OAS2: variants seen among roughly 807,000 people sequenced by gnomAD.
The protein encoded by OAS2 is 2'-5'-oligoadenylate synthase 2.
Under a neutral mutation model 71.3 loss-of-function variants are expected in OAS2, and 67 were observed. The observed-to-expected ratio is 0.94, with a 90% CI of 0.77 to 1.15. The LOEUF (loss-of-function observed/expected upper bound fraction) is 1.15. Ranked by LOEUF, OAS2 falls within the 50% of genes most tolerant of loss-of-function variation. OAS2 has a pLI of 0.00. For missense variants in OAS2, 789 were observed against 822.5 expected (o/e 0.96, Z 0.50); for synonymous variants, 327 against 321.8 (o/e 1.02, Z -0.17).
chr12:113,008,063 A>G (rs2044350375), intron 9 of OAS2, 120 bp downstream of exon 9: 1 of 755,188 alleles, frequency 1.3e-6, no homozygotes, highest in Admixed American at 2.0e-5. Flanking sequence ...GGAAAGTGCT[A>G]GCCAACAGAA....
Position 113,009,240 on chromosome 12 carries a change from G to T in OAS2, c.2049G>T (p.Pro683=), listed in dbSNP as rs138533307. The change falls in exon 10 of 10, where the codon CCG becomes CCT. Residue 683 remains proline, a synonymous_variant. Transcript: ENST00000392583. ...ACCCAATACCACCTTGGAAAGTGCC[G>T]GTAAAAGTCATCTAAAGGAGGCGTT... ...TGNPIPPWKV[P]VKVI is the part of the protein sequence containing the mutation. 6.2e-7 allele frequency: 1 copy of T among 1,613,768 alleles called. No homozygotes were observed. The highest frequency in any genetic ancestry group is 1.1e-5 in the South Asian group (1 of 91,018).
At chr12:113,008,487 G>A (rs2044353606) in intron 9 of OAS2, among the ~76,000 whole-genome samples, 1 of 152,140 alleles carries the variant, frequency 6.6e-6, no homozygotes, top group African/African-American at 2.4e-5. Context: ...ATTAAATTAT[G>A]TATCATATTT....
At chr12:113,005,550 A>G (rs2136393813) in intron 7 of OAS2, among the ~76,000 whole-genome samples, 1 of 151,418 alleles carries the variant, frequency 6.6e-6, no homozygotes, top group African/African-American at 2.4e-5. Context: ...CCGTCTGAAA[A>G]CAAACAAACA....
chr12:112,999,102 G>T (rs965722417), intron 5 of OAS2, among the ~76,000 whole-genome samples: 2 of 152,238 alleles, frequency 1.3e-5, no homozygotes, highest in African/African-American at 4.8e-5. Flanking sequence ...GCTCAGAGAA[G>T]GGGGTGGCAG....
intron 3 of OAS2, among the ~76,000 whole-genome samples, chr12:112,995,718 G>A (rs1384028989): frequency 6.6e-6 from 1 of 152,112 alleles, no homozygotes; most frequent in Non-Finnish European, 1.5e-5. Flanking sequence ...CCGCAGATTA[G>A]TTTTGCTTGA....
At chr12:112,987,997 C>T (rs1422991471) in intron 2 of OAS2, 1 of 985,452 alleles carries the variant, frequency 1.0e-6, no homozygotes, top group African/African-American at 1.7e-5. Context: ...GTGACTCCAT[C>T]TTAAAGCAAG....
chr12:113,010,099 G>A lies in OAS2; in HGVS notation c.*844G>A. Reference sequence around the variant, plus strand: ...GTTGTGACAATTAAAAGTGTCTTGAGACTTTATCATGTGTCTTCTGCCCTA... The same window carrying A: ...GTTGTGACAATTAAAAGTGTCTTGAAACTTTATCATGTGTCTTCTGCCCTA... On this transcript the variant is annotated 3_prime_UTR_variant, in exon 10 of 10. Coordinates refer to ENST00000392583, the MANE Select transcript of OAS2 (RefSeq NM_002535.3). 1 of 1,113,524 alleles carries A rather than the reference G, an allele frequency of 9.0e-7. No individual in the cohort carries two copies. The highest frequency in any genetic ancestry group is 1.1e-6 in the Non-Finnish European group (1 of 911,678). The allele number at this position is 1,113,524 out of a possible 1,614,324, so 69.0% of individuals were successfully genotyped here. A position where few individuals can be genotyped will look rare whatever the true frequency, so the allele number is the denominator to read the frequency against.
At chr12:113,005,539 T>G (rs2044324244) in intron 7 of OAS2, among the ~76,000 whole-genome samples, 1 of 149,578 alleles carries the variant, frequency 6.7e-6, no homozygotes, top group African/African-American at 2.5e-5. Flanking sequence ...AGAGTGAGAC[T>G]CCGTCTGAAA....
Position 113,010,625 on chromosome 12 carries a change from C to A in OAS2, c.*1370C>A. ...AATCAATCAAGACTGCAAACCCTTT[C>A]ATAAAGTCTTGCCTTGCTGAACTCC... On this transcript the variant is annotated 3_prime_UTR_variant, in exon 10 of 10. Coordinates refer to ENST00000392583, the MANE Select transcript of OAS2 (RefSeq NM_002535.3). 1 of 1,313,150 alleles carries A rather than the reference C, an allele frequency of 7.6e-7. No homozygotes were observed. Among genetic ancestry groups the A allele is most frequent in the Non-Finnish European group, 1.0e-6 (1 of 1,003,802 alleles). The allele number at this position is 1,313,150 out of a possible 1,614,324, so 81.3% of individuals were successfully genotyped here. A position where few individuals can be genotyped will look rare whatever the true frequency, so the allele number is the denominator to read the frequency against.
At position 112,987,041 on chromosome 12, in the gene OAS2, G is replaced by C; in HGVS notation, c.181G>C (p.Gly61Arg). The C allele has an allele frequency of 1.2e-6, 2 of 1,604,926 alleles. No homozygotes were observed. Among genetic ancestry groups the C allele is most frequent in the African/African-American group, 2.7e-5 (2 of 74,742 alleles). ...FPLVQGVAIG[G>R]SYGRKTVLRG... ...TCTGCTTCTTTGTCACTGGCAGGGT[G>C]GCTCCTATGGACGGAAAACAGTCTT... is the stretch of plus-strand genomic sequence containing the variant. Residue 61 changes from glycine to arginine, a missense_variant, in exon 2 of 10, where the codon GGC becomes CGC. Coordinates refer to ENST00000392583, the MANE Select transcript of OAS2 (RefSeq NM_002535.3).
chr12:112,990,302 C>T (rs1281082980), intron 2 of OAS2, among the ~76,000 whole-genome samples: 5 of 152,114 alleles, frequency 3.3e-5, no homozygotes, highest in South Asian at 2.1e-4. Context: ...CAGGCAGAAA[C>T]GTAAATCAGT....
chr12:112,986,893 G>C (rs1565990373), intron 1 of OAS2, 145 bp from the exon 2 acceptor site: 5 of 1,072,246 alleles, frequency 4.7e-6, no homozygotes, highest in East Asian at 2.4e-5. Context: ...ATCCCAATCA[G>C]GTCTTTGTGG....
chr12:112,995,216 G>C (rs2044223223), intron 2 of OAS2, 80 bp from the exon 3 acceptor site: 38 of 1,305,692 alleles, frequency 2.9e-5, no homozygotes, highest in Non-Finnish European at 4.1e-5. Flanking sequence ...AACTATAACT[G>C]ACCTTCATTG....
rs750988619 is a variant in OAS2 at position 113,010,333 on chromosome 12, A to G, written c.*1078A>G. ...ACTCTTTTAAGCAATGATTGTAACT[A>G]TTAGGAGACATTGCTCTCCCACGTA... On this transcript the variant is annotated 3_prime_UTR_variant, in exon 10 of 10. Transcript: ENST00000392583. 3.1e-6 allele frequency: 5 copies of G among 1,601,684 alleles called. No homozygotes were observed. Among genetic ancestry groups the G allele is most frequent in the South Asian group, 2.3e-5 (2 of 88,400 alleles).
Position 113,009,474 on chromosome 12 carries a change from C to T in OAS2, c.*219C>T, listed in dbSNP as rs960117721. 7.0e-6 allele frequency: 9 copies of T among 1,293,614 alleles called. No homozygotes were observed. In the African/African-American group the frequency reaches 1.1e-4, roughly 15 times the overall value. 80.1% of individuals were successfully genotyped at this position (1,293,614 alleles called of 1,614,324 possible). On this transcript the variant is annotated 3_prime_UTR_variant, in exon 10 of 10. Transcript: ENST00000392583. The stretch of plus-strand genomic sequence containing the variant: ...TGCTGCGCAGCATCCCTAGTCTCTA[C>T]CCAGTAGATGCCACTAGCCCTCCTC...
Position 113,010,537 on chromosome 12 carries a change from C to T in OAS2, c.*1282C>T. On this transcript the variant is annotated 3_prime_UTR_variant, in exon 10 of 10. Transcript: ENST00000392583. The stretch of plus-strand genomic sequence containing the variant: ...CTCGGCTCACCGTGAGAAAGAGTCA[C>T]TCACATCCATTCTTCCCTTGATGGT... The T allele has an allele frequency of 6.3e-7, 1 of 1,596,720 alleles. No homozygotes were observed. The highest frequency in any genetic ancestry group is 1.1e-5 in the South Asian group (1 of 89,130).
chr12:112,996,435 C>A (rs2044232651), intron 3 of OAS2, among the ~76,000 whole-genome samples: 4 of 152,042 alleles, frequency 2.6e-5, no homozygotes, highest in African/African-American at 7.2e-5. Flanking sequence ...CATAGCAAAT[C>A]TTGCCGAATC....
intron 4 of OAS2, 104 bp downstream of exon 4, chr12:112,997,859 C>A: frequency 2.1e-6 from 2 of 959,216 alleles, no homozygotes; most frequent in Non-Finnish European, 3.0e-6. Flanking sequence ...CAGTGCTGGA[C>A]CAGAAGAATG....
rs917509168 is a variant in OAS2 at position 113,010,750 on chromosome 12, T to C, written c.*1495T>C. Reference sequence around the variant, plus strand: ...TATTTTTTTTCTTGTATTTTTCCAATTAGCTCCTCCTTTTTCCTTCCAGTC... The same window carrying C: ...TATTTTTTTTCTTGTATTTTTCCAACTAGCTCCTCCTTTTTCCTTCCAGTC... On this transcript the variant is annotated 3_prime_UTR_variant, in exon 10 of 10. Coordinates refer to ENST00000392583, the MANE Select transcript of OAS2 (RefSeq NM_002535.3). The C allele has an allele frequency of 8.3e-5, 22 of 265,256 alleles. No individual in the cohort carries two copies. The highest frequency in any genetic ancestry group is 1.3e-4 in the Non-Finnish European group (19 of 142,988). The allele number at this position is 265,256 out of a possible 1,614,324, so 16.4% of individuals were successfully genotyped here.
Sources: gnomAD v4.1 joint callset for allele counts (sites outside exome capture counted in the v4.1 genomes callset) on GRCh38, gnomAD v4.1.1 for gene constraint, MANE v1.5 for transcripts, NCBI Gene and HGNC (gene_info 2026-07-23, HGNC 2026-07-21) for gene names.